RBSN: variants seen among roughly 807,000 people sequenced by gnomAD.
RBSN encodes the protein rabenosyn, RAB effector, also known as rabenosyn-5.
Under a neutral mutation model 60.5 loss-of-function variants are expected in RBSN, and 34 were observed. That is an observed-to-expected ratio of 0.56 (90% CI 0.43 to 0.75). RBSN has a LOEUF of 0.75. RBSN is among the 30% of genes least tolerant of loss of function. RBSN has a pLI of 0.00. For synonymous variants in RBSN, 322 were observed against 366.9 expected (o/e 0.88, Z 1.40); for missense variants, 845 against 986.8 (o/e 0.86, Z 1.92).
In RBSN at chr3:15,074,073, G is replaced by A. The variant is rs749998354; in HGVS notation, c.2064C>T (p.Asn688=). 5 of 1,613,926 alleles carry A rather than the reference G, an allele frequency of 3.1e-6. No individual in the cohort carries two copies. The highest frequency in any genetic ancestry group is 1.3e-5 in the African/African-American group (1 of 74,868). ...PFIQPDSPAP[N]PFSEEDEHPQ... ...GATGTTCGTCTTCCTCACTGAAGGGGTTAGGAGCTGGGCTGTCTGGCTGAA... is the reference window on the plus strand; with the variant it reads ...GATGTTCGTCTTCCTCACTGAAGGGATTAGGAGCTGGGCTGTCTGGCTGAA... Residue 688 remains asparagine, a synonymous_variant, in exon 14 of 14, where the codon AAC becomes AAT. Transcript: ENST00000253699. The surrounding 1 kb of genome is among the most constrained non-coding windows in gnomAD (Gnocchi z 6.4).
chr3:15,081,893 A>T (rs1176910853), intron 9 of RBSN, among the ~76,000 whole-genome samples: 2 of 152,204 alleles, frequency 1.3e-5, no homozygotes, highest in Non-Finnish European at 2.9e-5. Flanking sequence ...AAGTAACGAC[A>T]GCTGAGGCAT....
At chr3:15,075,252 A>G (rs1203420535) in intron 13 of RBSN, 6 of 590,162 alleles carry the variant, frequency 1.0e-5, no homozygotes, top group Non-Finnish European at 1.8e-5. Context: ...ACGCAGCGTT[A>G]AATACACATA....
Position 15,084,584 on chromosome 3 carries a change from A to G in RBSN, c.598+151T>C. 1 of 1,059,102 alleles carries G rather than the reference A, an allele frequency of 9.4e-7. No individual in the cohort carries two copies. 65.6% of individuals were successfully genotyped at this position (1,059,102 alleles called of 1,614,324 possible). The stretch of plus-strand genomic sequence containing the variant: ...GCCCCTAGCATAGTACCTAGTCTGT[A>G]GTGGGTTTCACAGAAACAGCAACTC... On this transcript the variant is annotated intron_variant, in intron 8 of 13. Coordinates refer to ENST00000253699, the MANE Select transcript of RBSN (RefSeq NM_022340.4). This position sits in a 1 kb window ranked among gnomAD's most constrained non-coding sequence, Gnocchi z 4.2.
rs748844579 is a variant in RBSN at position 15,074,965 on chromosome 3, C to T, written c.1207-35G>A. 5.1e-6 allele frequency: 8 copies of T among 1,568,252 alleles called. No homozygotes were observed. Among genetic ancestry groups the T allele is most frequent in the Non-Finnish European group, 6.9e-6 (8 of 1,160,968 alleles). The stretch of plus-strand genomic sequence containing the variant: ...GAGCAAAGCAGAGAGAAGAAACAGT[C>T]ACTATGCTGGCAGCAGCCCACACTG... On this transcript the variant is annotated intron_variant, in intron 13 of 13. Coordinates refer to ENST00000253699, the MANE Select transcript of RBSN (RefSeq NM_022340.4). This position sits in a 1 kb window ranked among gnomAD's most constrained non-coding sequence, Gnocchi z 6.4.
rs1559355353 is a variant in RBSN at position 15,096,099 on chromosome 3, CT to C, written c.21del (p.Glu9LysfsTer2). 1 of 1,600,096 alleles carries C rather than the reference CT, an allele frequency of 6.2e-7. No individual in the cohort carries two copies. Among genetic ancestry groups the C allele is most frequent in the South Asian group, 1.1e-5 (1 of 88,858 alleles). Reference protein sequence around the residue: MASLDDPGEVREGFLCP... With the variant: MASLDDXGEVREGFLCP... ...CAGAGGAAGCCCTCCCTCACTTCCCCTGGGTCGTCCAGAGAAGCCATGGCAG... is the reference window on the plus strand; with the variant it reads ...CAGAGGAAGCCCTCCCTCACTTCCCCGGGTCGTCCAGAGAAGCCATGGCAG... On this transcript the variant is annotated frameshift_variant, in exon 4 of 14. Transcript: ENST00000253699. LOFTEE classifies it high-confidence loss of function.
chr3:15,093,185 A>G (rs1044695554), intron 4 of RBSN, among the ~76,000 whole-genome samples: 5 of 152,208 alleles, frequency 3.3e-5, no homozygotes, highest in African/African-American at 1.2e-4. Flanking sequence ...ATGTCATAAC[A>G]TTTCTAAGAA....
Position 15,090,514 on chromosome 3 carries a change from T to C in RBSN, c.174A>G (p.Ala58=), listed in dbSNP as rs778863644. 4 of 1,614,206 alleles carry C rather than the reference T, an allele frequency of 2.5e-6. No homozygotes were observed. Among genetic ancestry groups the C allele is most frequent in the Non-Finnish European group, 3.4e-6 (4 of 1,180,024 alleles). ...CTTCTCGTTTCAACAACCTGTCCTT[T>C]GCTTTTTTAGCCTTCTGGACAAGAC... ...IKSLVQKAKK[A]KDRLLKREGD... The change falls in exon 5 of 14, where the codon GCA becomes GCG. Residue 58 remains alanine, a synonymous_variant. Coordinates refer to ENST00000253699, the MANE Select transcript of RBSN (RefSeq NM_022340.4).
intron 5 of RBSN, among the ~76,000 whole-genome samples, chr3:15,088,502 C>T (rs918367731): frequency 1.2e-4 from 18 of 152,208 alleles, no homozygotes; most frequent in African/African-American, 4.1e-4. Context: ...GCCTCAGCCT[C>T]CCGAGTAGCT....
At chr3:15,094,186 A>G (rs1187974105) in intron 4 of RBSN, among the ~76,000 whole-genome samples, 1 of 152,226 alleles carries the variant, frequency 6.6e-6, no homozygotes, top group Non-Finnish European at 1.5e-5. Context: ...CACCAGGTTG[A>G]GCAATGGCAT....
At chr3:15,085,196 C>A in intron 6 of RBSN, 151 bp from the exon 7 acceptor site, 2 of 919,328 alleles carry the variant, frequency 2.2e-6, no homozygotes, top group South Asian at 3.3e-5. Flanking sequence ...AAAACAATTT[C>A]ACATGGGACA....
At position 15,074,409 on chromosome 3, in the gene RBSN, G is replaced by C; in HGVS notation, c.1728C>G (p.Gly576=). The change falls in exon 14 of 14, where the codon GGC becomes GGG. Residue 576 remains glycine, a synonymous_variant. Transcript: ENST00000253699. The surrounding 1 kb of genome is among the most constrained non-coding windows in gnomAD (Gnocchi z 6.4). ...RTHLAYALDL[G]SSPVPSSTAP... ...CTGTGCTGCTTGGAACTGGGGAAGA[G>C]CCTAGATCCAAAGCATAAGCAAGGT... 6.2e-7 allele frequency: 1 copy of C among 1,614,182 alleles called. No individual in the cohort carries two copies. Among genetic ancestry groups the C allele is most frequent in the Non-Finnish European group, 8.5e-7 (1 of 1,180,024 alleles).
chr3:15,082,669 G>T lies in RBSN; in HGVS notation c.599-61C>A. 1 of 1,578,400 alleles carries T rather than the reference G, an allele frequency of 6.3e-7. No individual in the cohort carries two copies. The stretch of plus-strand genomic sequence containing the variant: ...CACAGCATCCAATTACCATACCCAC[G>T]ACCTCAAGGTGTCAGTCCACAGGTG... On this transcript the variant is annotated intron_variant, in intron 8 of 13. Coordinates refer to ENST00000253699, the MANE Select transcript of RBSN (RefSeq NM_022340.4). This position sits in a 1 kb window ranked among gnomAD's most constrained non-coding sequence, Gnocchi z 4.2.
At chr3:15,095,759 G>T in intron 4 of RBSN, 1 of 622,964 alleles carries the variant, frequency 1.6e-6, no homozygotes, top group South Asian at 2.2e-5. Context: ...TGTCTGGTTC[G>T]AAATGTGGCT....
chr3:15,098,379 A>AT (rs1385753314), intron 1 of RBSN, 105 bp from the exon 2 acceptor site: 1 of 178 alleles, frequency 5.6e-3, no homozygotes, highest in African/African-American at 0.028. Context: ...GAAATCTAAC[A>AT]CAACCACCGA....
At chr3:15,078,916 T>C (rs1238566702) in intron 10 of RBSN, among the ~76,000 whole-genome samples, 1 of 149,558 alleles carries the variant, frequency 6.7e-6, no homozygotes, top group Non-Finnish European at 1.5e-5. Flanking sequence ...ATGTGGCAGA[T>C]AGGCAACACA....
intron 2 of RBSN, among the ~76,000 whole-genome samples, chr3:15,097,447 G>A (rs554220914): frequency 5.3e-5 from 8 of 152,234 alleles, no homozygotes; most frequent in East Asian, 1.9e-4. Context: ...CCCAGGAGGC[G>A]GAAGTTGCAG....
rs139954695 is a variant in RBSN, at chr3:15,074,130, C to G, written c.2007G>C (p.Glu669Asp). 3.0e-4 allele frequency: 483 copies of G among 1,613,994 alleles called. 1 individual carries two copies. Among genetic ancestry groups the G allele is most frequent in the Non-Finnish European group, 3.9e-4 (459 of 1,180,016 alleles). The change falls in exon 14 of 14, where the codon GAG becomes GAC. Residue 669 changes from glutamate (E) to aspartate (D), a missense_variant. Glu to Asp is a conservative substitution (Grantham distance 45). Coordinates refer to ENST00000253699, the MANE Select transcript of RBSN (RefSeq NM_022340.4). This position sits in a 1 kb window ranked among gnomAD's most constrained non-coding sequence, Gnocchi z 6.4. ...KEYNPFEEED[E>D]EEEAVAGNPF... ...GATTCCCTGCCACTGCTTCCTCCTC[C>G]TCGTCCTCTTCCTCGAAAGGATTGT...
intron 9 of RBSN, 35 bp from the exon 10 acceptor site, chr3:15,080,837 C>T: frequency 6.3e-7 from 1 of 1,580,330 alleles, no homozygotes; most frequent in African/African-American, 1.3e-5. Context: ...GTGGTATGCT[C>T]AAGATATAGA....
chr3:15,075,843 A>T (rs2043039352), intron 12 of RBSN, 133 bp from the exon 13 acceptor site: 2 of 699,500 alleles, frequency 2.9e-6, no homozygotes, highest in Non-Finnish European at 4.9e-6. Flanking sequence ...CAGCAGCTAG[A>T]AAGGAGAGAA....
Sources: gnomAD v4.1 joint callset for allele counts (sites outside exome capture counted in the v4.1 genomes callset) on GRCh38, gnomAD v4.1.1 for gene constraint, Gnocchi (gnomAD v3.1) non-coding constraint, MANE v1.5 for transcripts, NCBI Gene and HGNC (gene_info 2026-07-23, HGNC 2026-07-21) for gene names.